Variants in GIGYF2 observed in about 807,000 individuals in gnomAD.
GIGYF2 encodes the protein GRB10 interacting GYF protein 2.
A neutral mutation model predicts 208.1 loss-of-function variants in GIGYF2; 25 were observed. That is an observed-to-expected ratio of 0.12 (90% confidence interval 0.09 to 0.17). The LOEUF is 0.17. GIGYF2 is among the 10% of genes least tolerant of loss of function. The pLI is 1.00. For missense variants in GIGYF2, 1,302 were observed against 1,579.4 expected (o/e 0.82, Z 2.98); for synonymous variants, 534 against 543.8 (o/e 0.98, Z 0.25).
At chr2:232,703,785 T>C (rs925549214) in intron 2 of GIGYF2, among the ~76,000 whole-genome samples, 1 of 152,202 alleles carries the variant, frequency 6.6e-6, no homozygotes, top group African/African-American at 2.4e-5. Context: ...GCAGTTGACT[T>C]CATGAGGGAC....
intron 8 of GIGYF2, chr2:232,768,001 T>G (rs1234673703): frequency 4.5e-5 from 27 of 601,116 alleles, no homozygotes; most frequent in Non-Finnish European, 7.3e-5. Flanking sequence ...TAACAAACTT[T>G]GTAATGTAGA....
At chr2:232,746,175 G>GT (rs1407205689) in intron 3 of GIGYF2, among the ~76,000 whole-genome samples, 1 of 149,220 alleles carries the variant, frequency 6.7e-6, no homozygotes, top group Non-Finnish European at 1.5e-5. Flanking sequence ...TCCACAATAA[G>GT]TAAAAAAAAA....
chr2:232,830,197 C>CGA (rs1701387189), intron 21 of GIGYF2, among the ~76,000 whole-genome samples: 1 of 152,130 alleles, frequency 6.6e-6, no homozygotes, highest in Non-Finnish European at 1.5e-5. Context: ...TGCCCAGTCT[C>CGA]ATCTCAAATT....
chr2:232,732,221 C>T (rs576185599), intron 2 of GIGYF2, among the ~76,000 whole-genome samples: 1 of 152,136 alleles, frequency 6.6e-6, no homozygotes, highest in Non-Finnish European at 1.5e-5. Flanking sequence ...AATTTTTAAT[C>T]CCTTTTAGTA....
chr2:232,825,357 A>G (rs1701215502), intron 21 of GIGYF2, among the ~76,000 whole-genome samples: 1 of 152,210 alleles, frequency 6.6e-6, no homozygotes, highest in Non-Finnish European at 1.5e-5. Context: ...GAGGAAGTCA[A>G]AATGTCAACA....
intron 2 of GIGYF2, among the ~76,000 whole-genome samples, chr2:232,728,341 A>G (rs1697302502): frequency 6.6e-6 from 1 of 152,208 alleles, no homozygotes; most frequent in Admixed American, 6.5e-5. Context: ...AAGGTGCCTT[A>G]GGAAAATTGA....
chr2:232,710,856 T>A (rs1696362268), intron 2 of GIGYF2, among the ~76,000 whole-genome samples: 1 of 151,892 alleles, frequency 6.6e-6, no homozygotes. Flanking sequence ...CCCATTACCA[T>A]GTCCGGCTAA....
chr2:232,745,589 T>G (rs1467158504), intron 3 of GIGYF2, among the ~76,000 whole-genome samples: 1 of 152,222 alleles, frequency 6.6e-6, no homozygotes, highest in Non-Finnish European at 1.5e-5. Flanking sequence ...AATTAAGGCT[T>G]TTTCCCTCCT....
At chr2:232,794,971 C>A in intron 13 of GIGYF2, 27 bp downstream of exon 13, 1 of 1,524,892 alleles carries the variant, frequency 6.6e-7, no homozygotes, top group South Asian at 1.1e-5. Flanking sequence ...TTCTTTTTGT[C>A]TCCTCTTAAA....
Position 232,856,839 on chromosome 2 carries a change from C to T in GIGYF2, c.3879C>T (p.Ile1293=), listed in dbSNP as rs763713005. ...CGGAGCGACTCAACATGGGTGAAAT[C>T]GAGACGTTGGATGACTACTGAGCAC... ...ASSERLNMGE[I]ETLDDY The change falls in exon 29 of 29, where the codon ATC becomes ATT. Residue 1293 remains isoleucine (I), a synonymous_variant. Transcript: ENST00000373563. The T allele has an allele frequency of 1.4e-5, 22 of 1,612,748 alleles. No individual in the cohort carries two copies. The highest frequency in any genetic ancestry group is 4.4e-5 in the South Asian group (4 of 91,054).
intron 9 of GIGYF2, among the ~76,000 whole-genome samples, chr2:232,789,675 G>A (rs1382665556): frequency 2.0e-5 from 3 of 151,936 alleles, no homozygotes; most frequent in African/African-American, 7.3e-5. Flanking sequence ...TGCAAAGTTT[G>A]TCTCAATAGT....
chr2:232,836,273 T>C (rs1318084013), intron 22 of GIGYF2, among the ~76,000 whole-genome samples: 12 of 1,416 alleles, frequency 8.5e-3, no homozygotes, highest in Admixed American at 0.083. Flanking sequence ...CATATATATA[T>C]ATATATATAT....
At chr2:232,745,230 A>G (rs1698107614) in intron 3 of GIGYF2, among the ~76,000 whole-genome samples, 1 of 152,186 alleles carries the variant, frequency 6.6e-6, no homozygotes, top group African/African-American at 2.4e-5. Flanking sequence ...CAAAGGAAAC[A>G]GAGTAGCAGT....
intron 8 of GIGYF2, among the ~76,000 whole-genome samples, chr2:232,785,487 A>G (rs1699881512): frequency 6.6e-6 from 1 of 152,194 alleles, no homozygotes; most frequent in Non-Finnish European, 1.5e-5. Flanking sequence ...GTGTCACTAC[A>G]TGGCAACTAG....
chr2:232,762,920 C>G (rs1445071861), intron 8 of GIGYF2, among the ~76,000 whole-genome samples: 2 of 151,764 alleles, frequency 1.3e-5, no homozygotes, highest in African/African-American at 4.8e-5. Flanking sequence ...GGGAGGCCAT[C>G]ATGTGATGGG....
chr2:232,851,792 C>T (rs1428729908), intron 28 of GIGYF2, among the ~76,000 whole-genome samples: 2 of 152,136 alleles, frequency 1.3e-5, no homozygotes, highest in Non-Finnish European at 2.9e-5. Flanking sequence ...AGAATACATT[C>T]GCAAGGATGG....
rs780852935 is a variant in GIGYF2 at position 232,794,884 on chromosome 2, T to A, written c.1419T>A (p.Pro473=). 1.9e-6 allele frequency: 3 copies of A among 1,614,018 alleles called. No individual in the cohort carries two copies. In the Admixed American group the frequency reaches 5.0e-5, roughly 27 times the overall value. Residue 473 remains proline (P), a synonymous_variant, in exon 13 of 29, where the codon CCT becomes CCA. Coordinates refer to ENST00000373563, the MANE Select transcript of GIGYF2 (RefSeq NM_001103146.3). The stretch of plus-strand genomic sequence containing the variant: ...TTGAAACACCAGTTGTAGGTGCTCC[T>A]GGTATGGGCAGTGTTTCCACAGAAC... ...RPVETPVVGA[P]GMGSVSTEPD...
At chr2:232,811,856 A>G (rs1487300905) in intron 17 of GIGYF2, among the ~76,000 whole-genome samples, 2 of 152,132 alleles carry the variant, frequency 1.3e-5, no homozygotes, top group African/African-American at 4.8e-5. Flanking sequence ...TAAAAATCTT[A>G]TTGTCTCATT....
intron 2 of GIGYF2, among the ~76,000 whole-genome samples, chr2:232,717,315 A>G (rs920522105): frequency 6.6e-6 from 1 of 152,158 alleles, no homozygotes; most frequent in Admixed American, 6.5e-5. Flanking sequence ...ACTGTCTCTA[A>G]GAAACAATAA....
Sources: allele counts gnomAD v4.1 joint callset (sites outside exome capture counted in the v4.1 genomes callset), GRCh38; gene constraint gnomAD v4.1.1; transcripts MANE v1.5; gene names NCBI Gene and HGNC (gene_info 2026-07-23, HGNC 2026-07-21).